The following NIM1K variants were observed in gnomAD, a reference collection of about 807,000 sequenced individuals.
NIM1K encodes the protein serine/threonine-protein kinase NIM1.
A neutral mutation model predicts 37.1 loss-of-function variants in NIM1K; 35 were observed. The observed-to-expected ratio is 0.94, with a 90% CI of 0.72 to 1.25. The LOEUF is 1.25. NIM1K is among the 50% of genes most tolerant of loss of function. NIM1K has a pLI of 0.00. For missense variants in NIM1K, 564 were observed against 548.0 expected, an observed-to-expected ratio of 1.03 and a Z score of -0.29; for synonymous variants, 234 against 206.6, an observed-to-expected ratio of 1.13 and a Z score of -1.14.
At chr5:43,264,071 G>T (rs1753080825) in intron 2 of NIM1K, among the ~76,000 whole-genome samples, 1 of 152,228 alleles carries the variant, frequency 6.6e-6, no homozygotes, top group South Asian at 2.1e-4. Flanking sequence ...TAAGTGTGAT[G>T]TAGTGCTGAG....
chr5:43,223,705 G>A (rs1752413122), intron 1 of NIM1K, among the ~76,000 whole-genome samples: 2 of 152,156 alleles, frequency 1.3e-5, no homozygotes, highest in African/African-American at 4.8e-5. Flanking sequence ...GAGGTTACCA[G>A]AACAGAGAAG....
intron 2 of NIM1K, among the ~76,000 whole-genome samples, chr5:43,256,698 C>T (rs1235994583): frequency 6.6e-6 from 1 of 152,160 alleles, no homozygotes; most frequent in Non-Finnish European, 1.5e-5. Flanking sequence ...TGCATGGTAG[C>T]CCAGAAGTAC....
At chr5:43,273,108 C>T (rs1579613782) in intron 2 of NIM1K, among the ~76,000 whole-genome samples, 1 of 152,116 alleles carries the variant, frequency 6.6e-6, no homozygotes, top group Non-Finnish European at 1.5e-5. Flanking sequence ...ATAGAGCACC[C>T]TTTCTCTGGG....
Position 43,280,558 on chromosome 5 carries a change from C to A in NIM1K, c.1140C>A (p.Arg380=), listed in dbSNP as rs1428322761. The A allele has an allele frequency of 5.0e-6, 8 of 1,614,164 alleles. No individual in the cohort carries two copies. The highest frequency in any genetic ancestry group is 5.1e-6 in the Non-Finnish European group (6 of 1,180,024). Residue 380 remains arginine, a synonymous_variant, in exon 4 of 4, where the codon CGC becomes CGA. Transcript: ENST00000326035. ...GAAATAACCAAGGGAGAGATGCTCG[C>A]AGCTCAATCACAGGGGTCTATAGAA... ...HIRNNQGRDA[R]SSITGVYRII...
intron 1 of NIM1K, among the ~76,000 whole-genome samples, chr5:43,241,937 T>C (rs1222251386): frequency 1.3e-5 from 2 of 151,978 alleles, no homozygotes; most frequent in Non-Finnish European, 1.5e-5. Context: ...TATTTTGAAG[T>C]AGGAGTGAGA....
chr5:43,247,804 T>C (rs1384280491), intron 2 of NIM1K, among the ~76,000 whole-genome samples: 1 of 152,224 alleles, frequency 6.6e-6, no homozygotes, highest in Non-Finnish European at 1.5e-5. Flanking sequence ...TAAAATCAAT[T>C]ATGAGGTATT....
intron 1 of NIM1K, among the ~76,000 whole-genome samples, chr5:43,198,215 TTCTTTC>T (rs1751959240): frequency 1.1e-5 from 1 of 93,436 alleles, no homozygotes; most frequent in Non-Finnish European, 2.3e-5. Context: ...TTCTCTTTCT[TTCTTTC>T]TTTCTTTCTT....
chr5:43,260,981 A>G (rs1003052257), intron 2 of NIM1K, among the ~76,000 whole-genome samples: 16 of 152,132 alleles, frequency 1.1e-4, no homozygotes, highest in African/African-American at 3.9e-4. Context: ...TGGTGTATAT[A>G]TGCCACATTT....
chr5:43,259,852 TC>T (rs1487392156), intron 2 of NIM1K, among the ~76,000 whole-genome samples: 1 of 152,132 alleles, frequency 6.6e-6, no homozygotes, highest in East Asian at 1.9e-4. Flanking sequence ...AGTCACAAAT[TC>T]TTTATCTAAG....
intron 2 of NIM1K, among the ~76,000 whole-genome samples, chr5:43,269,341 A>G (rs1753219988): frequency 7.0e-6 from 1 of 142,766 alleles, no homozygotes; most frequent in Non-Finnish European, 1.5e-5. Flanking sequence ...AAGAATAGCT[A>G]CTCCTGCTAG....
At chr5:43,238,924 G>A (rs1192214077) in intron 1 of NIM1K, among the ~76,000 whole-genome samples, 2 of 117,234 alleles carry the variant, frequency 1.7e-5, no homozygotes, top group African/African-American at 6.8e-5. Flanking sequence ...GGTAGAGAAA[G>A]TAACAACCTA....
chr5:43,194,165 A>G (rs1751876759), intron 1 of NIM1K, among the ~76,000 whole-genome samples: 1 of 152,140 alleles, frequency 6.6e-6, no homozygotes, highest in African/African-American at 2.4e-5. Flanking sequence ...TGTTCCACGA[A>G]TCCTGGCCTG....
intron 1 of NIM1K, among the ~76,000 whole-genome samples, chr5:43,198,167 CTT>C (rs1180303930): frequency 1.7e-4 from 9 of 53,152 alleles, no homozygotes; most frequent in East Asian, 1.1e-3. Flanking sequence ...TTCTTTCTTT[CTT>C]TCTTTCTTTC....
chr5:43,265,294 T>G (rs1160146860), intron 2 of NIM1K, among the ~76,000 whole-genome samples: 1 of 152,244 alleles, frequency 6.6e-6, no homozygotes, highest in Non-Finnish European at 1.5e-5. Context: ...AGTCCCATAT[T>G]TCTTGGAGGC....
At chr5:43,238,856 C>T (rs1752657266) in intron 1 of NIM1K, among the ~76,000 whole-genome samples, 1 of 150,142 alleles carries the variant, frequency 6.7e-6, no homozygotes, top group Non-Finnish European at 1.5e-5. Flanking sequence ...AGGGATTCTA[C>T]AACACAGACT....
intron 1 of NIM1K, among the ~76,000 whole-genome samples, chr5:43,198,164 TTTCTTTCTTTCTTTCTTTC>T (rs1561069731): frequency 1.4e-4 from 7 of 51,772 alleles, no homozygotes; most frequent in African/African-American, 4.9e-4. Context: ...TCTTTCTTTC[TTTCTTTCTTTCTTTCTTTC>T]TTTCTTTCTT....
chr5:43,224,839 G>A (rs1752430432), intron 1 of NIM1K, among the ~76,000 whole-genome samples: 2 of 151,884 alleles, frequency 1.3e-5, no homozygotes, highest in Non-Finnish European at 2.9e-5. Flanking sequence ...GCGATTACAG[G>A]CGTCCACCAT....
intron 1 of NIM1K, among the ~76,000 whole-genome samples, chr5:43,198,219 T>TTCTTTCTTTC (rs1751959919): frequency 1.0e-5 from 1 of 95,736 alleles, no homozygotes; most frequent in Non-Finnish European, 2.3e-5. Context: ...CTTTCTTTCT[T>TTCTTTCTTTC]TCTTTCTTTC....
intron 2 of NIM1K, among the ~76,000 whole-genome samples, chr5:43,254,152 T>G (rs1579981432): frequency 6.6e-6 from 1 of 152,178 alleles, no homozygotes; most frequent in Non-Finnish European, 1.5e-5. Context: ...GAGAAGAGCA[T>G]GTATTTGAAA....
Sources: gnomAD v4.1 joint callset for allele counts (sites outside exome capture counted in the v4.1 genomes callset) on GRCh38, gnomAD v4.1.1 for gene constraint, MANE v1.5 for transcripts, NCBI Gene and HGNC (gene_info 2026-07-23, HGNC 2026-07-21) for gene names.